Variants in GTF2F2 observed in about 807,000 individuals in gnomAD.
The protein encoded by GTF2F2 is ATP-dependent helicase GTF2F2.
In GTF2F2, 23 loss-of-function variants were observed where a neutral mutation model predicts 42.2. The observed-to-expected ratio is 0.55, with a 90% CI of 0.39 to 0.77. The LOEUF (loss-of-function observed/expected upper bound fraction) is 0.77, where lower values mean the gene tolerates loss of function less well. Ranked by LOEUF, GTF2F2 falls within the 30% of genes least tolerant of loss-of-function variation. The pLI, the probability that GTF2F2 is intolerant of heterozygous loss-of-function variation, is 0.00. For missense variants in GTF2F2, 261 were observed against 287.2 expected, an observed-to-expected ratio of 0.91 and a Z score of 0.66; for synonymous variants, 105 against 100.8, an observed-to-expected ratio of 1.04 and a Z score of -0.25.
Position 45,267,364 on chromosome 13 carries a change from A to G in GTF2F2, c.618A>G (p.Thr206=). 6.2e-7 allele frequency: 1 copy of G among 1,607,724 alleles called. No individual in the cohort carries two copies. The highest frequency in any genetic ancestry group is 8.5e-7 in the Non-Finnish European group (1 of 1,175,674). ...YYNLKDLVDI[T]KQPVVYLKEI... ...ATCTTAAGGACTTGGTGGACATCAC[A>G]AAGCAACCTGTGGTATGTATATGTT... is the stretch of plus-strand genomic sequence containing the variant. The change falls in exon 7 of 8, where the codon ACA becomes ACG. Residue 206 remains threonine, a synonymous_variant. Transcript: ENST00000340473.
At chr13:45,172,833 T>A (rs1385361602) in intron 4 of GTF2F2, among the ~76,000 whole-genome samples, 1 of 152,220 alleles carries the variant, frequency 6.6e-6, no homozygotes, top group Non-Finnish European at 1.5e-5. Flanking sequence ...CACACAGTCT[T>A]GATGACTGTA....
At chr13:45,194,814 G>T in intron 4 of GTF2F2, 1 of 492,364 alleles carries the variant, frequency 2.0e-6, no homozygotes, top group Non-Finnish European at 3.6e-6. Context: ...GATTTGTTGT[G>T]AAAGGATTTT....
At chr13:45,281,603 GGC>G (rs1198515827) in intron 7 of GTF2F2, among the ~76,000 whole-genome samples, 4 of 152,104 alleles carry the variant, frequency 2.6e-5, no homozygotes, top group African/African-American at 9.7e-5. Flanking sequence ...CAGATTCCTG[GGC>G]CTAGCCCAAG....
chr13:45,248,346 G>A (rs1225365289), intron 5 of GTF2F2, among the ~76,000 whole-genome samples: 3 of 152,064 alleles, frequency 2.0e-5, no homozygotes, highest in Non-Finnish European at 4.4e-5. Context: ...CAGAAGGCAT[G>A]GTTAGTCCTG....
chr13:45,134,881 G>A (rs548441194), intron 1 of GTF2F2, among the ~76,000 whole-genome samples: 2 of 151,946 alleles, frequency 1.3e-5, no homozygotes, highest in African/African-American at 4.8e-5. Flanking sequence ...ATTTTGCAGG[G>A]CAATTGGAAG....
At chr13:45,157,509 T>C (rs1051721545) in intron 4 of GTF2F2, among the ~76,000 whole-genome samples, 7 of 151,586 alleles carry the variant, frequency 4.6e-5, no homozygotes, top group South Asian at 2.1e-4. Flanking sequence ...GAGGCTCTTA[T>C]AGTAATCCAG....
intron 1 of GTF2F2, among the ~76,000 whole-genome samples, chr13:45,124,515 GC>G (rs1868868585): frequency 6.6e-6 from 1 of 151,668 alleles, no homozygotes; most frequent in Admixed American, 6.6e-5. Flanking sequence ...TGACCACCAT[GC>G]CCAGCTAATT....
At chr13:45,243,322 T>TCC (rs1438370154) in intron 5 of GTF2F2, among the ~76,000 whole-genome samples, 2 of 152,196 alleles carry the variant, frequency 1.3e-5, no homozygotes, top group African/African-American at 4.8e-5. Flanking sequence ...CTGCCTGAGC[T>TCC]CCGCCTCCTG....
chr13:45,238,493 A>G (rs897285019), intron 5 of GTF2F2, among the ~76,000 whole-genome samples: 4 of 152,116 alleles, frequency 2.6e-5, no homozygotes, highest in Non-Finnish European at 5.9e-5. Flanking sequence ...AGTTTCTTCT[A>G]TCACATGCTG....
At chr13:45,183,191 G>T (rs557009508) in intron 4 of GTF2F2, among the ~76,000 whole-genome samples, 1 of 152,192 alleles carries the variant, frequency 6.6e-6, no homozygotes, top group East Asian at 1.9e-4. Context: ...TAACTCTGGG[G>T]ATCCCTGTTT....
intron 4 of GTF2F2, among the ~76,000 whole-genome samples, chr13:45,191,457 G>A (rs895759742): frequency 6.6e-6 from 1 of 151,370 alleles, no homozygotes; most frequent in Non-Finnish European, 1.5e-5. Flanking sequence ...AAATTTTTCA[G>A]TAACTGGGAA....
At chr13:45,253,883 G>C (rs1421799786) in intron 6 of GTF2F2, among the ~76,000 whole-genome samples, 1 of 152,108 alleles carries the variant, frequency 6.6e-6, no homozygotes, top group Non-Finnish European at 1.5e-5. Context: ...AGACCATCCT[G>C]GCTAACACAG....
chr13:45,264,516 C>T (rs1876484981), intron 6 of GTF2F2, among the ~76,000 whole-genome samples: 1 of 152,064 alleles, frequency 6.6e-6, no homozygotes, highest in South Asian at 2.1e-4. Flanking sequence ...ATGATCCGCC[C>T]ACTTTGTCCT....
intron 7 of GTF2F2, among the ~76,000 whole-genome samples, chr13:45,272,018 G>T (rs1876814351): frequency 6.7e-6 from 1 of 149,988 alleles, no homozygotes; most frequent in African/African-American, 2.4e-5. Context: ...ATATTCACTT[G>T]GTTCCTTTTT....
intron 7 of GTF2F2, among the ~76,000 whole-genome samples, chr13:45,279,407 T>G (rs1008286601): frequency 7.2e-5 from 11 of 152,268 alleles, no homozygotes; most frequent in Non-Finnish European, 1.5e-4. Context: ...TAGTACAGTT[T>G]AGTCAGTAAA....
At chr13:45,156,528 G>GA (rs1416914738) in intron 4 of GTF2F2, among the ~76,000 whole-genome samples, 9 of 152,152 alleles carry the variant, frequency 5.9e-5, no homozygotes, top group Non-Finnish European at 7.4e-5. Flanking sequence ...GGTTAGAGAT[G>GA]AAAAAAGTTT....
chr13:45,261,587 G>A (rs1481401125), intron 6 of GTF2F2, among the ~76,000 whole-genome samples: 4 of 152,068 alleles, frequency 2.6e-5, no homozygotes, highest in Non-Finnish European at 5.9e-5. Flanking sequence ...TCATTGGATA[G>A]AAGATTGGTA....
intron 7 of GTF2F2, among the ~76,000 whole-genome samples, chr13:45,276,428 G>C (rs1680717320): frequency 6.9e-6 from 1 of 145,676 alleles, no homozygotes; most frequent in South Asian, 2.1e-4. Context: ...GCCTTCTGAG[G>C]AACTGCTAGA....
At chr13:45,222,115 C>T (rs1187566934) in intron 5 of GTF2F2, among the ~76,000 whole-genome samples, 1 of 152,116 alleles carries the variant, frequency 6.6e-6, no homozygotes, top group Non-Finnish European at 1.5e-5. Flanking sequence ...TTAACACTTA[C>T]CATTGTGTGA....
Sources: allele counts gnomAD v4.1 joint callset (sites outside exome capture counted in the v4.1 genomes callset), GRCh38; gene constraint gnomAD v4.1.1; transcripts MANE v1.5; gene names NCBI Gene and HGNC (gene_info 2026-07-23, HGNC 2026-07-21).